The following LRRFIP1 variants were observed in gnomAD, a reference collection of about 807,000 sequenced individuals.
LRRFIP1 encodes LRR binding FLII interacting protein 1, also known as leucine-rich repeat flightless-interacting protein 1.
A neutral mutation model predicts 104.4 loss-of-function variants in LRRFIP1; 62 were observed. The observed-to-expected ratio is 0.59, with a 90% confidence interval of 0.48 to 0.73. The LOEUF is 0.73. Among genes scored for constraint, LRRFIP1 ranks in the 30% least tolerant of loss-of-function variants. The pLI, the probability that LRRFIP1 is intolerant of heterozygous loss-of-function variation, is 0.00. For synonymous variants in LRRFIP1, 300 were observed against 299.0 expected (o/e 1.00, Z -0.03); for missense variants, 796 against 824.5 (o/e 0.97, Z 0.42).
intron 11 of LRRFIP1, among the ~76,000 whole-genome samples, chr2:237,745,948 A>G (rs1343832646): frequency 6.7e-6 from 1 of 148,458 alleles, no homozygotes; most frequent in Non-Finnish European, 1.5e-5. Flanking sequence ...ACTCTAAGGA[A>G]TAAAAGGCTT....
Position 237,661,534 on chromosome 2 carries a change from C to T in LRRFIP1, c.96+33794C>T, listed in dbSNP as rs927678127. Among the ~76,000 whole-genome samples the T allele has an allele frequency of 6.6e-6, 1 of 152,264 alleles. No homozygotes were observed. The highest frequency in any genetic ancestry group is 2.4e-5 in the African/African-American group (1 of 41,464). On this transcript the variant is annotated intron_variant, in intron 1 of 23. Coordinates refer to ENST00000308482, the MANE Select transcript of LRRFIP1 (RefSeq NM_001137550.2). This position sits in a 1 kb window ranked among gnomAD's most constrained non-coding sequence, Gnocchi z 4.4. ...TCCACCTCGCTCTCGGCCCCTGGTT[C>T]ACCTTCTGTTCCTGCCCAGGGCAAA... is the stretch of plus-strand genomic sequence containing the variant.
intron 1 of LRRFIP1, among the ~76,000 whole-genome samples, chr2:237,651,809 TAATC>T (rs918773453): frequency 3.3e-5 from 5 of 152,276 alleles, no homozygotes; most frequent in Admixed American, 3.3e-4. Context: ...TTTCAGCATG[TAATC>T]AATATAAAAA....
chr2:237,747,242 A>G (rs1162447100), intron 11 of LRRFIP1, among the ~76,000 whole-genome samples: 1 of 152,222 alleles, frequency 6.6e-6, no homozygotes, highest in African/African-American at 2.4e-5. Flanking sequence ...CTGACCAGCT[A>G]TAACTCCTGG....
intron 1 of LRRFIP1, among the ~76,000 whole-genome samples, chr2:237,673,658 G>T (rs6725051): frequency 0.78 from 118,097 of 152,128 alleles, 45,926 homozygotes; most frequent in Middle Eastern, 0.84. Context: ...CCGTGTTTGT[G>T]GATGGAATGA....
At chr2:237,704,698 G>C (rs78730828) in intron 1 of LRRFIP1, among the ~76,000 whole-genome samples, 4,006 of 152,238 alleles carry the variant, frequency 0.026, 180 homozygotes, top group African/African-American at 0.091. Context: ...TCGTAAGGGG[G>C]GTAGATGTTC....
chr2:237,655,414 C>G (rs2086656131), intron 1 of LRRFIP1, among the ~76,000 whole-genome samples: 1 of 151,266 alleles, frequency 6.6e-6, no homozygotes, highest in Non-Finnish European at 1.5e-5. Context: ...CCAGCCGTCA[C>G]TCATCTTCTA....
At chr2:237,684,026 G>A (rs559090035) in intron 1 of LRRFIP1, among the ~76,000 whole-genome samples, 11 of 152,248 alleles carry the variant, frequency 7.2e-5, no homozygotes, top group East Asian at 5.8e-4. Flanking sequence ...AGCTAGTAGC[G>A]TAAAGATTTA....
chr2:237,705,925 A>G (rs578022255), intron 1 of LRRFIP1, among the ~76,000 whole-genome samples: 2 of 152,370 alleles, frequency 1.3e-5, no homozygotes, highest in Non-Finnish European at 2.9e-5. Flanking sequence ...AAAGCCAGCA[A>G]GGACACTGAC....
rs112212759 is a variant in LRRFIP1, at chr2:237,661,361, T to A, written c.96+33621T>A. Among the ~76,000 whole-genome samples, 1 of 152,164 alleles carries A rather than the reference T, an allele frequency of 6.6e-6. No homozygotes were observed. The highest frequency in any genetic ancestry group is 6.5e-5 in the Admixed American group (1 of 15,280). ...TGTCCAGTCCACCCAGATGCCACCA[T>A]GCCTGCCAGTCCCTCTCCTCCTTAG... On this transcript the variant is annotated intron_variant, in intron 1 of 23. Transcript: ENST00000308482. This position sits in a 1 kb window ranked among gnomAD's most constrained non-coding sequence, Gnocchi z 4.4.
chr2:237,700,868 C>T (rs866678550), intron 1 of LRRFIP1, among the ~76,000 whole-genome samples: 2 of 152,180 alleles, frequency 1.3e-5, no homozygotes, highest in South Asian at 4.1e-4. Flanking sequence ...GCCTTCTCAG[C>T]CTGGGTGGAA....
rs139102153 is a variant in LRRFIP1, at chr2:237,715,786, A to G, written c.201+1510A>G. 4.7e-3 allele frequency among the ~76,000 whole-genome samples: 717 copies of G among 152,340 alleles called. 2 individuals carry two copies. Among genetic ancestry groups the G allele is most frequent in the African/African-American group, 0.016 (668 of 41,568 alleles). On this transcript the variant is annotated intron_variant, in intron 3 of 23. Coordinates refer to ENST00000308482, the MANE Select transcript of LRRFIP1 (RefSeq NM_001137550.2). ...CTTCCCTCCGCATGGCTTCCGGATC[A>G]TGGTAGTGATTGACGTTTGAAATGT...
At chr2:237,683,324 C>A in intron 1 of LRRFIP1, 1 of 152,394 alleles carries the variant, frequency 6.6e-6, no homozygotes. Context: ...CATGCCAAGG[C>A]AGCTGCCCAG....
chr2:237,645,327 G>A (rs1278576291), intron 1 of LRRFIP1, among the ~76,000 whole-genome samples: 2 of 152,206 alleles, frequency 1.3e-5, no homozygotes, highest in African/African-American at 4.8e-5. Flanking sequence ...TGGAGTTGTC[G>A]TGGCTCAGCC....
intron 1 of LRRFIP1, among the ~76,000 whole-genome samples, chr2:237,693,803 T>G (rs141829282): frequency 6.6e-6 from 1 of 152,018 alleles, no homozygotes; most frequent in Admixed American, 6.5e-5. Context: ...GTGAGGAAAC[T>G]AGGGACAGGC....
intron 1 of LRRFIP1, among the ~76,000 whole-genome samples, chr2:237,652,020 T>C (rs2086018002): frequency 6.6e-6 from 1 of 152,196 alleles, no homozygotes; most frequent in East Asian, 1.9e-4. Flanking sequence ...GTGCTTCCTG[T>C]TGTGTGGCAC....
chr2:237,776,101 C>T (rs1376249684), intron 23 of LRRFIP1, among the ~76,000 whole-genome samples: 1 of 152,128 alleles, frequency 6.6e-6, no homozygotes, highest in Non-Finnish European at 1.5e-5. Flanking sequence ...GCCGGAAATA[C>T]AGGCACCCAC....
intron 4 of LRRFIP1, among the ~76,000 whole-genome samples, chr2:237,718,312 G>A (rs1158119732): frequency 6.6e-6 from 1 of 152,260 alleles, no homozygotes; most frequent in Non-Finnish European, 1.5e-5. Context: ...TGCATTTGCT[G>A]TTGGGTTCTC....
Position 237,735,596 on chromosome 2 carries a change from A to G in LRRFIP1, c.555+263A>G, listed in dbSNP as rs1044560518. On this transcript the variant is annotated intron_variant, in intron 10 of 23. Transcript: ENST00000308482. This position sits in a 1 kb window ranked among gnomAD's most constrained non-coding sequence, Gnocchi z 4.6. ...CATCTGCTCTCTCTGCAGCACGCCA[A>G]CCATACTAACAGGTGGTGAAACCGT... 6.4e-5 allele frequency: 27 copies of G among 420,692 alleles called. No homozygotes were observed. The highest frequency in any genetic ancestry group is 1.4e-4 in the African/African-American group (7 of 49,222). 26.1% of individuals were successfully genotyped at this position (420,692 alleles called of 1,614,324 possible). A position where few individuals can be genotyped will look rare whatever the true frequency, so the allele number is the denominator to read the frequency against.
chr2:237,730,897 G>A (rs547118896), intron 8 of LRRFIP1, among the ~76,000 whole-genome samples: 6 of 151,762 alleles, frequency 4.0e-5, no homozygotes, highest in South Asian at 2.1e-4. Context: ...CAGCCTGGGC[G>A]ACAGAGTGAG....
Sources: gnomAD v4.1 joint callset for allele counts (sites outside exome capture counted in the v4.1 genomes callset) on GRCh38, gnomAD v4.1.1 for gene constraint, Gnocchi (gnomAD v3.1) non-coding constraint, MANE v1.5 for transcripts, NCBI Gene and HGNC (gene_info 2026-07-23, HGNC 2026-07-21) for gene names.